HTR7: variants seen among roughly 807,000 people sequenced by gnomAD.
HTR7 encodes the protein 5-HT-7.
Under a neutral mutation model 34.0 loss-of-function variants are expected in HTR7, and 16 were observed. That is an observed-to-expected ratio of 0.47 (90% CI 0.32 to 0.71). HTR7 has a LOEUF of 0.71. Ranked by LOEUF, HTR7 falls within the 30% of genes least tolerant of loss-of-function variation. The probability of loss-of-function intolerance (pLI) is 0.04; values close to 1 mark genes in which losing one functional copy is unlikely to be tolerated. For synonymous variants in HTR7, 265 were observed against 260.2 expected, an observed-to-expected ratio of 1.02 and a Z score of -0.18; for missense variants, 504 against 625.5, an observed-to-expected ratio of 0.81 and a Z score of 2.07.
rs578204567 is a variant in HTR7 at position 90,814,003 on chromosome 10, T to G, written c.539+43130A>C. Among the ~76,000 whole-genome samples the G allele has an allele frequency of 3.9e-5, 6 of 152,314 alleles. No homozygotes were observed. The East Asian group carries it at 1.2e-3, about 29-fold the overall frequency. Reference sequence around the variant, plus strand: ...GAAGTCCCATTCAGGTGCCCCTCTCTTTCGCAAGAGAGAGAGCTGTTCTCC... The same window carrying G: ...GAAGTCCCATTCAGGTGCCCCTCTCGTTCGCAAGAGAGAGAGCTGTTCTCC... On this transcript the variant is annotated intron_variant, in intron 1 of 3. Coordinates refer to ENST00000336152, the MANE Select transcript of HTR7 (RefSeq NM_019859.4).
At chr10:90,832,392 C>T (rs1372825746) in intron 1 of HTR7, among the ~76,000 whole-genome samples, 1 of 152,194 alleles carries the variant, frequency 6.6e-6, no homozygotes, top group Non-Finnish European at 1.5e-5. Flanking sequence ...CTGGGGGACC[C>T]GGCACACCCT....
At chr10:90,803,101 GA>G (rs1845654951) in intron 1 of HTR7, among the ~76,000 whole-genome samples, 1 of 145,244 alleles carries the variant, frequency 6.9e-6, no homozygotes, top group African/African-American at 2.5e-5. Context: ...TCAGAAGAAA[GA>G]ATTTGTCTGA....
At chr10:90,790,735 G>A (rs755309680) in intron 1 of HTR7, among the ~76,000 whole-genome samples, 2 of 152,004 alleles carry the variant, frequency 1.3e-5, no homozygotes, top group African/African-American at 2.4e-5. Flanking sequence ...TAAAGAGCAA[G>A]CTATTTTAAA....
chr10:90,800,998 G>T (rs1479914628), intron 1 of HTR7, among the ~76,000 whole-genome samples: 3 of 152,156 alleles, frequency 2.0e-5, no homozygotes, highest in African/African-American at 4.8e-5. Context: ...GATTCTCTCT[G>T]ACAGATTGTG....
intron 1 of HTR7, among the ~76,000 whole-genome samples, chr10:90,752,929 C>T (rs1006445939): frequency 6.6e-6 from 1 of 152,094 alleles, no homozygotes; most frequent in African/African-American, 2.4e-5. Flanking sequence ...ATGACAAAGG[C>T]CATTCTTAAC....
chr10:90,844,725 TC>T (rs377088616), intron 1 of HTR7, among the ~76,000 whole-genome samples: 833 of 27,774 alleles, frequency 0.03, 133 homozygotes, highest in South Asian at 0.059. Context: ...AGACTCCGTC[TC>T]AAAAAAAAAA....
intron 1 of HTR7, among the ~76,000 whole-genome samples, chr10:90,761,970 T>C (rs1221825000): frequency 6.6e-6 from 1 of 152,214 alleles, no homozygotes; most frequent in African/African-American, 2.4e-5. Context: ...GATTGCCTTC[T>C]TTTGTAGCTG....
chr10:90,852,202 T>TAAAAAAAAAA (rs60371298), intron 1 of HTR7, among the ~76,000 whole-genome samples: 14,610 of 133,314 alleles, frequency 0.11, 988 homozygotes, highest in African/African-American at 0.17. Flanking sequence ...TTATGTGAAG[T>TAAAAAAAAAA]AAAAAAAAAA....
intron 1 of HTR7, among the ~76,000 whole-genome samples, chr10:90,808,608 G>T (rs544640519): frequency 6.6e-6 from 1 of 151,720 alleles, no homozygotes; most frequent in Non-Finnish European, 1.5e-5. Context: ...TCTGCGCCCC[G>T]ACCCCTTTCC....
At chr10:90,810,787 G>T (rs139046046) in intron 1 of HTR7, among the ~76,000 whole-genome samples, 3 of 152,036 alleles carry the variant, frequency 2.0e-5, no homozygotes, top group African/African-American at 7.3e-5. Context: ...CTGTACTGCC[G>T]CAAGGCTTAA....
intron 1 of HTR7, among the ~76,000 whole-genome samples, chr10:90,788,861 G>C (rs76302160): frequency 0.015 from 2,354 of 152,210 alleles, 77 homozygotes; most frequent in African/African-American, 0.053. Context: ...GGCCAAAGTG[G>C]AGAAGACAGA....
chr10:90,853,477 T>A (rs559888702), intron 1 of HTR7, among the ~76,000 whole-genome samples: 1 of 150,828 alleles, frequency 6.6e-6, no homozygotes, highest in Non-Finnish European at 1.5e-5. Context: ...TTTCTTTTTT[T>A]TTTTTCCGTA....
At chr10:90,825,320 C>A (rs1414881529) in intron 1 of HTR7, among the ~76,000 whole-genome samples, 3 of 152,130 alleles carry the variant, frequency 2.0e-5, no homozygotes, top group Admixed American at 2.0e-4. Context: ...GCGGCAGTGA[C>A]CAAAAACTTA....
intron 1 of HTR7, among the ~76,000 whole-genome samples, chr10:90,790,169 C>T (rs1370624638): frequency 1.3e-5 from 2 of 152,106 alleles, no homozygotes; most frequent in Non-Finnish European, 1.5e-5. Context: ...ACATTTGATT[C>T]AAGTTTCATT....
chr10:90,845,077 A>G (rs1846393855), intron 1 of HTR7, among the ~76,000 whole-genome samples: 1 of 152,170 alleles, frequency 6.6e-6, no homozygotes, highest in Admixed American at 6.5e-5. Flanking sequence ...AGGCACAATC[A>G]GGAGGACTTG....
At chr10:90,840,301 G>C (rs2120086616) in intron 1 of HTR7, among the ~76,000 whole-genome samples, 1 of 151,784 alleles carries the variant, frequency 6.6e-6, no homozygotes, top group South Asian at 2.1e-4. Flanking sequence ...TACCTTAATT[G>C]TCATCGTAAC....
rs1334897743 is a variant in HTR7 at position 90,743,799 on chromosome 10, CTGTGAATACT to C, written c.1296-119_1296-110del. 8.4e-6 allele frequency: 7 copies of C among 836,440 alleles called. No individual in the cohort carries two copies. In the East Asian group the frequency reaches 1.6e-4, roughly 19 times the overall value. 51.8% of individuals were successfully genotyped at this position (836,440 alleles called of 1,614,324 possible). On this transcript the variant is annotated intron_variant, in intron 2 of 3. Coordinates refer to ENST00000336152, the MANE Select transcript of HTR7 (RefSeq NM_019859.4). ...TCATATTTGGTTTTATATTACCAAT[CTGTGAATACT>C]TGTGAAAAGGATTAAAATTGATAGC...
chr10:90,818,837 A>C (rs1209161168), intron 1 of HTR7, among the ~76,000 whole-genome samples: 1 of 152,200 alleles, frequency 6.6e-6, no homozygotes, highest in African/African-American at 2.4e-5. Flanking sequence ...TGGATCATGG[A>C]GGCAGACTTC....
chr10:90,805,397 A>T (rs1002234577), intron 1 of HTR7, among the ~76,000 whole-genome samples: 1 of 152,220 alleles, frequency 6.6e-6, no homozygotes, highest in Admixed American at 6.5e-5. Flanking sequence ...AGAAATTTAC[A>T]TCTTTAAAGG....
Sources: allele counts gnomAD v4.1 joint callset (sites outside exome capture counted in the v4.1 genomes callset), GRCh38; gene constraint gnomAD v4.1.1; transcripts MANE v1.5; gene names NCBI Gene and HGNC (gene_info 2026-07-23, HGNC 2026-07-21).